Variants in MTUS2 observed in about 807,000 individuals in gnomAD.
MTUS2 encodes microtubule-associated tumor suppressor candidate 2.
A neutral mutation model predicts 114.1 loss-of-function variants in MTUS2; 40 were observed. The observed-to-expected ratio is 0.35, with a 90% CI of 0.27 to 0.46. MTUS2 has a LOEUF of 0.46. Among genes scored for constraint, MTUS2 ranks in the 20% least tolerant of loss-of-function variants. MTUS2 has a pLI of 1.00. For missense variants in MTUS2, 1,679 were observed against 1,705.4 expected (o/e 0.98, Z 0.27); for synonymous variants, 688 against 672.0 (o/e 1.02, Z -0.37).
chr13:29,461,254 C>G (rs556164253), intron 9 of MTUS2, among the ~76,000 whole-genome samples: 3 of 152,236 alleles, frequency 2.0e-5, no homozygotes, highest in East Asian at 1.9e-4. Context: ...CATGATAACC[C>G]TCTCCCATGA....
At chr13:28,831,736 T>TCTTC (rs950396733) in intron 1 of MTUS2, among the ~76,000 whole-genome samples, 3 of 150,816 alleles carry the variant, frequency 2.0e-5, no homozygotes, top group Non-Finnish European at 4.4e-5. Context: ...TTCCTTCCTT[T>TCTTC]CTTCCTTCCT....
intron 2 of MTUS2, among the ~76,000 whole-genome samples, chr13:28,956,607 G>A (rs1883079901): frequency 6.6e-6 from 1 of 152,286 alleles, no homozygotes; most frequent in South Asian, 2.1e-4. Flanking sequence ...ACATAATAAA[G>A]ACCCAAACTT....
chr13:29,163,365 A>T (rs942932820), intron 5 of MTUS2, among the ~76,000 whole-genome samples: 1 of 152,078 alleles, frequency 6.6e-6, no homozygotes, highest in Non-Finnish European at 1.5e-5. Context: ...GAGCAGATTG[A>T]GCCATGTGGG....
chr13:28,902,217 AT>A (rs1437488190), intron 2 of MTUS2, among the ~76,000 whole-genome samples: 1 of 152,124 alleles, frequency 6.6e-6, no homozygotes, highest in Admixed American at 6.6e-5. Flanking sequence ...TTTCCAGGAG[AT>A]TTTAAAAAAT....
At chr13:28,905,700 T>C (rs1023015249) in intron 2 of MTUS2, among the ~76,000 whole-genome samples, 2 of 151,626 alleles carry the variant, frequency 1.3e-5, no homozygotes, top group Admixed American at 1.3e-4. Context: ...ATCAAGGATA[T>C]TGGTCTAAAA....
intron 2 of MTUS2, among the ~76,000 whole-genome samples, chr13:28,840,608 C>T (rs900878883): frequency 6.6e-6 from 1 of 152,128 alleles, no homozygotes; most frequent in East Asian, 1.9e-4. Flanking sequence ...AACTTTTAAA[C>T]GAGTAGAGAG....
At chr13:29,069,427 T>C (rs1888809950) in intron 4 of MTUS2, among the ~76,000 whole-genome samples, 1 of 152,212 alleles carries the variant, frequency 6.6e-6, no homozygotes, top group African/African-American at 2.4e-5. Flanking sequence ...TTTTGCTCTT[T>C]TCAGATTGTC....
In MTUS2 at chr13:29,503,310, A is replaced by G; in HGVS notation, c.*104A>G. 4 of 1,307,212 alleles carry G rather than the reference A, an allele frequency of 3.1e-6. No individual in the cohort carries two copies. Among genetic ancestry groups the G allele is most frequent in the South Asian group, 2.5e-5 (2 of 79,060 alleles). 81.0% of individuals were successfully genotyped at this position (1,307,212 alleles called of 1,614,324 possible). Reference sequence around the variant, plus strand: ...CGGAGCTGGCCCTGTGCGCATGCTCAGTAGCTGCGAATGCATCCTAGGCGC... The same window carrying G: ...CGGAGCTGGCCCTGTGCGCATGCTCGGTAGCTGCGAATGCATCCTAGGCGC... On this transcript the variant is annotated 3_prime_UTR_variant, in exon 16 of 16. Coordinates refer to ENST00000612955, the MANE Select transcript of MTUS2 (RefSeq NM_001033602.4).
At chr13:29,089,517 A>AT (rs1593464118) in intron 4 of MTUS2, among the ~76,000 whole-genome samples, 1 of 152,292 alleles carries the variant, frequency 6.6e-6, no homozygotes, top group Middle Eastern at 3.4e-3. Flanking sequence ...AGGTCAGGGA[A>AT]TTTTTTGTGG....
chr13:29,330,121 T>G (rs999017010), intron 7 of MTUS2, among the ~76,000 whole-genome samples: 1 of 152,150 alleles, frequency 6.6e-6, no homozygotes, highest in Non-Finnish European at 1.5e-5. Context: ...TGTTTTCTGA[T>G]TTTTTAATGA....
chr13:29,319,884 A>C (rs1176525601), intron 6 of MTUS2, among the ~76,000 whole-genome samples: 1 of 152,162 alleles, frequency 6.6e-6, no homozygotes, highest in Non-Finnish European at 1.5e-5. Context: ...CTTCATAAAT[A>C]AGTGTCAGGG....
At chr13:29,275,553 G>A (rs1566104710) in intron 5 of MTUS2, among the ~76,000 whole-genome samples, 1 of 151,910 alleles carries the variant, frequency 6.6e-6, no homozygotes, top group Non-Finnish European at 1.5e-5. Context: ...AACCATCCTT[G>A]TACTCTTATC....
At chr13:29,491,659 A>AGTGT in intron 11 of MTUS2, among the ~76,000 whole-genome samples, 1 of 127,214 alleles carries the variant, frequency 7.9e-6, no homozygotes, top group Non-Finnish European at 1.7e-5. Flanking sequence ...TGTGGCATGT[A>AGTGT]GTGTGTATGC....
At chr13:29,104,265 A>G (rs563545115) in intron 5 of MTUS2, among the ~76,000 whole-genome samples, 19 of 152,188 alleles carry the variant, frequency 1.2e-4, no homozygotes, top group African/African-American at 4.1e-4. Context: ...GTATCTTACC[A>G]TCCAGTTTAC....
chr13:29,390,087 ATG>A, intron 8 of MTUS2, among the ~76,000 whole-genome samples: 1 of 115,700 alleles, frequency 8.6e-6, no homozygotes, highest in East Asian at 3.0e-4. Flanking sequence ...ACATACGTAT[ATG>A]TACACATACA....
chr13:29,269,651 T>C (rs1259542029), intron 5 of MTUS2, among the ~76,000 whole-genome samples: 4 of 152,228 alleles, frequency 2.6e-5, no homozygotes, highest in African/African-American at 9.6e-5. Context: ...AACAGTTCAC[T>C]GGTTCCTTGA....
At chr13:29,021,266 C>T (rs1886279928) in intron 2 of MTUS2, among the ~76,000 whole-genome samples, 1 of 152,164 alleles carries the variant, frequency 6.6e-6, no homozygotes, top group African/African-American at 2.4e-5. Context: ...GATACTGTCT[C>T]AATTTTTTAA....
At chr13:29,387,299 C>T (rs7989530) in intron 8 of MTUS2, among the ~76,000 whole-genome samples, 21,703 of 152,136 alleles carry the variant, frequency 0.14, 1,796 homozygotes, top group African/African-American at 0.22. Context: ...GTTGGGCAGA[C>T]GCAGAGGTAA....
At chr13:29,028,963 A>G (rs1194167656) in intron 3 of MTUS2, among the ~76,000 whole-genome samples, 1 of 152,206 alleles carries the variant, frequency 6.6e-6, no homozygotes, top group Non-Finnish European at 1.5e-5. Context: ...ATATTGGCAT[A>G]TTTAAAGAAT....
Sources: gnomAD v4.1 joint callset for allele counts (sites outside exome capture counted in the v4.1 genomes callset) on GRCh38, gnomAD v4.1.1 for gene constraint, MANE v1.5 for transcripts, NCBI Gene and HGNC (gene_info 2026-07-23, HGNC 2026-07-21) for gene names.